Variants in ANKS1B observed in about 807,000 individuals in gnomAD.
The protein encoded by ANKS1B is ankyrin repeat and sterile alpha motif domain containing 1B, also known as ankyrin repeat and sterile alpha motif domain-containing protein 1B.
ANKS1B carries 36 observed loss-of-function variants against 148.3 expected under a neutral mutation model. The observed-to-expected ratio is 0.24, with a 90% confidence interval of 0.19 to 0.32. ANKS1B has a LOEUF of 0.32. Ranked by LOEUF, ANKS1B falls within the 10% of genes least tolerant of loss-of-function variation. The pLI is 1.00. For synonymous variants in ANKS1B, 542 were observed against 560.8 expected, an observed-to-expected ratio of 0.97 and a Z score of 0.47; for missense variants, 1,157 against 1,542.6, an observed-to-expected ratio of 0.75 and a Z score of 4.19.
intron 17 of ANKS1B, among the ~76,000 whole-genome samples, chr12:99,001,392 G>A (rs1260937821): frequency 2.0e-5 from 3 of 152,252 alleles, no homozygotes; most frequent in African/African-American, 7.2e-5. Flanking sequence ...GCCTCCTAAA[G>A]TGCTGGGAAT....
rs1401717805 is a variant in ANKS1B, at chr12:99,836,655, AAC to A, written c.135-11268_135-11267del. 4.6e-5 allele frequency among the ~76,000 whole-genome samples: 7 copies of A among 152,298 alleles called. No homozygotes were observed. In the East Asian group the frequency reaches 1.2e-3, roughly 25 times the overall value. On this transcript the variant is annotated intron_variant, in intron 1 of 26. Transcript: ENST00000683438. ...GAATTTGTAACCACACCGAGCCATAAACACAGAGTCAAGAGACATGAGAGGAA... is the reference window on the plus strand; with the variant it reads ...GAATTTGTAACCACACCGAGCCATAAACAGAGTCAAGAGACATGAGAGGAA...
At chr12:98,794,522 T>G (rs1210994128) in intron 22 of ANKS1B, 2 of 525,274 alleles carry the variant, frequency 3.8e-6, no homozygotes, top group Non-Finnish European at 7.3e-6. Flanking sequence ...CTGGGGCCCA[T>G]CCACCCTGGC....
intron 15 of ANKS1B, among the ~76,000 whole-genome samples, chr12:99,086,665 T>C (rs1324623852): frequency 3.9e-5 from 6 of 152,202 alleles, no homozygotes; most frequent in African/African-American, 1.4e-4. Context: ...AAACCTGTGA[T>C]TAATATTTGA....
At chr12:99,080,448 G>C (rs1413678835) in intron 16 of ANKS1B, among the ~76,000 whole-genome samples, 1 of 152,078 alleles carries the variant, frequency 6.6e-6, no homozygotes, top group Non-Finnish European at 1.5e-5. Context: ...AATTCCAAAA[G>C]GTATTATAAA....
At chr12:99,961,642 A>G (rs1160431884) in intron 1 of ANKS1B, among the ~76,000 whole-genome samples, 3 of 152,184 alleles carry the variant, frequency 2.0e-5, no homozygotes, top group Non-Finnish European at 4.4e-5. Flanking sequence ...CCTCCAAGGA[A>G]GGATATATTA....
At chr12:98,988,820 A>G (rs1256966363) in intron 17 of ANKS1B, among the ~76,000 whole-genome samples, 1 of 152,014 alleles carries the variant, frequency 6.6e-6, no homozygotes, top group Non-Finnish European at 1.5e-5. Flanking sequence ...ATATCTCCTT[A>G]TGGTTTTGAT....
chr12:99,803,677 A>C (rs1180828715), intron 4 of ANKS1B, among the ~76,000 whole-genome samples: 2 of 152,212 alleles, frequency 1.3e-5, no homozygotes, highest in African/African-American at 2.4e-5. Context: ...AGCCTTGGAA[A>C]GCATTTACCC....
intron 8 of ANKS1B, among the ~76,000 whole-genome samples, chr12:99,754,279 C>A (rs373567152): frequency 1.3e-5 from 2 of 151,988 alleles, no homozygotes; most frequent in Non-Finnish European, 2.9e-5. Flanking sequence ...ATTACATAAT[C>A]ATAAAGGGTT....
chr12:99,854,277 G>A (rs1395223376), intron 1 of ANKS1B, among the ~76,000 whole-genome samples: 1 of 152,188 alleles, frequency 6.6e-6, no homozygotes, highest in Non-Finnish European at 1.5e-5. Context: ...CTCCCAAAGT[G>A]CTGGGATTAC....
chr12:98,842,407 G>T (rs1595232505), intron 17 of ANKS1B, among the ~76,000 whole-genome samples: 1 of 152,290 alleles, frequency 6.6e-6, no homozygotes, highest in Middle Eastern at 3.4e-3. Context: ...CATATCAGTG[G>T]TTATCTGGAG....
chr12:99,169,247 A>G (rs2077506848), intron 14 of ANKS1B, among the ~76,000 whole-genome samples: 1 of 152,194 alleles, frequency 6.6e-6, no homozygotes, highest in South Asian at 2.1e-4. Flanking sequence ...ATGACTTCCT[A>G]TTGTGACCAC....
chr12:99,659,810 CT>C (rs1448945675), intron 8 of ANKS1B, among the ~76,000 whole-genome samples: 1 of 152,166 alleles, frequency 6.6e-6, no homozygotes, highest in Non-Finnish European at 1.5e-5. Context: ...CAAAATGTTA[CT>C]CGATTTGCAA....
chr12:99,456,936 A>T (rs758914933), intron 10 of ANKS1B, among the ~76,000 whole-genome samples: 7 of 152,196 alleles, frequency 4.6e-5, no homozygotes, highest in African/African-American at 9.7e-5. Context: ...TGGGAAATTC[A>T]TCACAAAAAG....
chr12:99,969,610 C>T (rs2095533832), intron 1 of ANKS1B, among the ~76,000 whole-genome samples: 2 of 152,128 alleles, frequency 1.3e-5, no homozygotes, highest in South Asian at 4.1e-4. Flanking sequence ...AAGCAAAATA[C>T]TGCCAATAAT....
chr12:98,963,003 C>T (rs528007088), intron 17 of ANKS1B, among the ~76,000 whole-genome samples: 1 of 151,984 alleles, frequency 6.6e-6, no homozygotes, highest in South Asian at 2.1e-4. Context: ...AGAAAAATTT[C>T]AAATAAACAA....
At chr12:99,038,149 A>G (rs1240815863) in intron 17 of ANKS1B, among the ~76,000 whole-genome samples, 5 of 152,178 alleles carry the variant, frequency 3.3e-5, no homozygotes, top group Non-Finnish European at 7.4e-5. Flanking sequence ...TTTGTTTTAA[A>G]TGCAGAGAAG....
chr12:99,858,057 C>A (rs1020153715), intron 1 of ANKS1B, among the ~76,000 whole-genome samples: 6 of 152,154 alleles, frequency 3.9e-5, no homozygotes, highest in Admixed American at 1.3e-4. Flanking sequence ...AACCAAAAAG[C>A]TTCTGCACAG....
At chr12:99,394,244 T>G (rs1305653948) in intron 12 of ANKS1B, among the ~76,000 whole-genome samples, 2 of 152,186 alleles carry the variant, frequency 1.3e-5, no homozygotes, top group African/African-American at 4.8e-5. Context: ...AGAACAGATC[T>G]TCCCCAGATT....
At position 99,812,326 on chromosome 12, in the gene ANKS1B, AC is replaced by A. The variant is rs769313539; in HGVS notation, c.216-16del. 3 of 1,605,942 alleles carry A rather than the reference AC, an allele frequency of 1.9e-6. No individual in the cohort carries two copies. The highest frequency in any genetic ancestry group is 2.6e-6 in the Non-Finnish European group (3 of 1,175,750). ...GAACTATGTCCCTAAAAAGGAAAAA[AC>A]AACAACAACAAAATAGGCTGAGCAA... is the stretch of plus-strand genomic sequence containing the variant. On this transcript the variant is annotated splice_polypyrimidine_tract_variant and intron_variant, in intron 2 of 26. Coordinates refer to ENST00000683438, the MANE Select transcript of ANKS1B (RefSeq NM_001352186.2).
Sources: allele counts gnomAD v4.1 joint callset (sites outside exome capture counted in the v4.1 genomes callset), GRCh38; gene constraint gnomAD v4.1.1; transcripts MANE v1.5; gene names NCBI Gene and HGNC (gene_info 2026-07-23, HGNC 2026-07-21).